OSBPL1A: variants seen among roughly 807,000 people sequenced by gnomAD.
The protein encoded by OSBPL1A is oxysterol binding protein like 1A.
In OSBPL1A, 80 loss-of-function variants were observed where a neutral mutation model predicts 137.1. That is an observed-to-expected ratio of 0.58 (90% CI 0.49 to 0.70). The LOEUF is 0.70. Among genes scored for constraint, OSBPL1A ranks in the 30% least tolerant of loss-of-function variants. OSBPL1A has a pLI of 0.00. For missense variants in OSBPL1A, 970 were observed against 1,129.4 expected, an observed-to-expected ratio of 0.86 and a Z score of 2.02; for synonymous variants, 365 against 389.7, an observed-to-expected ratio of 0.94 and a Z score of 0.75.
chr18:24,300,911 G>A (rs1568011125), intron 14 of OSBPL1A, among the ~76,000 whole-genome samples: 1 of 152,102 alleles, frequency 6.6e-6, no homozygotes, highest in Admixed American at 6.5e-5. Context: ...TCTGCCTCAT[G>A]GGCTCAAGCC....
At chr18:24,285,784 G>A (rs900253407) in intron 14 of OSBPL1A, among the ~76,000 whole-genome samples, 9 of 151,936 alleles carry the variant, frequency 5.9e-5, no homozygotes, top group African/African-American at 2.2e-4. Flanking sequence ...TATCTTTTGT[G>A]GTGTAAAAAA....
rs1224987664 is a variant in OSBPL1A at position 24,230,130 on chromosome 18, T to C, written c.1445-4932A>G. Among the ~76,000 whole-genome samples the C allele has an allele frequency of 1.3e-5, 2 of 152,248 alleles. 1 individual carries two copies. The highest frequency in any genetic ancestry group is 3.8e-4 in the East Asian group (2 of 5,204). On this transcript the variant is annotated intron_variant, in intron 16 of 27. Transcript: ENST00000319481. ...AAAATGTTAGTGGGTAATATATTAA[T>C]GCCTTAGTAGAAAGCATGAAGGGAA...
intron 21 of OSBPL1A, among the ~76,000 whole-genome samples, chr18:24,173,329 C>A (rs1050507111): frequency 6.6e-6 from 1 of 152,124 alleles, no homozygotes; most frequent in Non-Finnish European, 1.5e-5. Flanking sequence ...ACGAAACAAA[C>A]CCGCATGACA....
intron 21 of OSBPL1A, among the ~76,000 whole-genome samples, chr18:24,175,084 C>A (rs2086388974): frequency 7.9e-6 from 1 of 126,336 alleles, no homozygotes; most frequent in African/African-American, 3.7e-5. Flanking sequence ...CAGCTGACTT[C>A]ATGTGCTTAT....
Position 24,187,430 on chromosome 18 carries a change from A to G in OSBPL1A, c.1678-6151T>C, listed in dbSNP as rs189197965. Reference sequence around the variant, plus strand: ...TTGCCATAATTGTAAAACCAAGGGGAAAAAAATGAGCTCTGAGATCAAACT... The same window carrying G: ...TTGCCATAATTGTAAAACCAAGGGGGAAAAAATGAGCTCTGAGATCAAACT... On this transcript the variant is annotated intron_variant, in intron 18 of 27. Transcript: ENST00000319481. 7.3e-3 allele frequency among the ~76,000 whole-genome samples: 1,117 copies of G among 152,154 alleles called. 9 individuals carry two copies. Among genetic ancestry groups the G allele is most frequent in the Middle Eastern group, 0.054 (16 of 294 alleles).
intron 2 of OSBPL1A, among the ~76,000 whole-genome samples, chr18:24,369,494 C>T (rs1199430071): frequency 6.6e-6 from 1 of 152,130 alleles, no homozygotes; most frequent in East Asian, 1.9e-4. Flanking sequence ...TTCCAGGGGC[C>T]ACTGCAGGGA....
At chr18:24,385,363 C>T (rs1906894003) in intron 1 of OSBPL1A, among the ~76,000 whole-genome samples, 1 of 152,046 alleles carries the variant, frequency 6.6e-6, no homozygotes, top group Non-Finnish European at 1.5e-5. Flanking sequence ...TATATTCCAA[C>T]CTGGGTAACA....
intron 25 of OSBPL1A, 76 bp from the exon 26 acceptor site, chr18:24,166,778 G>T: frequency 1.4e-6 from 2 of 1,446,640 alleles, no homozygotes; most frequent in African/African-American, 1.4e-5. Context: ...AAGTAGAAGA[G>T]GGTTGACTTG....
At chr18:24,174,555 T>C (rs1349113472) in intron 21 of OSBPL1A, among the ~76,000 whole-genome samples, 1 of 152,186 alleles carries the variant, frequency 6.6e-6, no homozygotes, top group Non-Finnish European at 1.5e-5. Context: ...CAAAACACTT[T>C]TGGTATATTT....
intron 18 of OSBPL1A, among the ~76,000 whole-genome samples, chr18:24,195,323 A>G (rs2086997651): frequency 6.6e-6 from 1 of 152,136 alleles, no homozygotes; most frequent in African/African-American, 2.4e-5. Flanking sequence ...TGAAATGAAA[A>G]AAGAAAGAAA....
chr18:24,219,358 T>C (rs906261109), intron 17 of OSBPL1A, among the ~76,000 whole-genome samples: 3 of 152,144 alleles, frequency 2.0e-5, no homozygotes, highest in African/African-American at 7.2e-5. Flanking sequence ...GTTGGGCACA[T>C]GGTAAATGTT....
chr18:24,232,357 G>A (rs1464112258), intron 16 of OSBPL1A, among the ~76,000 whole-genome samples: 2 of 152,156 alleles, frequency 1.3e-5, no homozygotes, highest in Admixed American at 6.5e-5. Context: ...AACAAGAGTC[G>A]GAGACATTCT....
Position 24,170,470 on chromosome 18 carries a change from A to G in OSBPL1A, c.2292-17T>C. 6.2e-7 allele frequency: 1 copy of G among 1,613,720 alleles called. No individual in the cohort carries two copies. The highest frequency in any genetic ancestry group is 8.5e-7 in the Non-Finnish European group (1 of 1,179,948). Reference sequence around the variant, plus strand: ...TTCTTTTTGCTGTCAAGAAAAACTGATGTTTAGTTAACAAACCAGTGTTTG... The same window carrying G: ...TTCTTTTTGCTGTCAAGAAAAACTGGTGTTTAGTTAACAAACCAGTGTTTG... On this transcript the variant is annotated splice_polypyrimidine_tract_variant and intron_variant, in intron 23 of 27. Transcript: ENST00000319481.
intron 4 of OSBPL1A, among the ~76,000 whole-genome samples, chr18:24,348,728 C>T (rs1443467392): frequency 1.3e-5 from 2 of 151,964 alleles, no homozygotes; most frequent in Non-Finnish European, 2.9e-5. Context: ...GAGCCAAGAT[C>T]GCACAACTGC....
intron 7 of OSBPL1A, among the ~76,000 whole-genome samples, chr18:24,321,931 TAA>T (rs1355622974): frequency 1.3e-5 from 2 of 152,016 alleles, no homozygotes; most frequent in African/African-American, 4.8e-5. Flanking sequence ...TGATTTTTTT[TAA>T]AAAGGTCACT....
intron 17 of OSBPL1A, among the ~76,000 whole-genome samples, chr18:24,200,785 A>T (rs2087197287): frequency 1.3e-5 from 2 of 152,202 alleles, no homozygotes; most frequent in South Asian, 4.1e-4. Context: ...CCACAGTCTA[A>T]TCATCAAGAA....
intron 15 of OSBPL1A, among the ~76,000 whole-genome samples, chr18:24,259,656 A>G (rs902581066): frequency 1.3e-5 from 2 of 152,152 alleles, no homozygotes; most frequent in Admixed American, 1.3e-4. Context: ...AGAAATATAA[A>G]TCTCTAATTT....
At chr18:24,337,180 T>C (rs370206873) in intron 5 of OSBPL1A, among the ~76,000 whole-genome samples, 6 of 152,218 alleles carry the variant, frequency 3.9e-5, no homozygotes, top group African/African-American at 1.4e-4. Flanking sequence ...AATAATTCCA[T>C]AACCGCTTTC....
chr18:24,388,655 C>G (rs1425386030), intron 1 of OSBPL1A, among the ~76,000 whole-genome samples: 1 of 151,818 alleles, frequency 6.6e-6, no homozygotes, highest in African/African-American at 2.4e-5. Context: ...CAAAAATTAG[C>G]CAGGCGTGGT....
Sources: allele counts gnomAD v4.1 joint callset (sites outside exome capture counted in the v4.1 genomes callset), GRCh38; gene constraint gnomAD v4.1.1; transcripts MANE v1.5; gene names NCBI Gene and HGNC (gene_info 2026-07-23, HGNC 2026-07-21).